HSPBAP1: variants seen among roughly 807,000 people sequenced by gnomAD.
HSPBAP1 encodes HSPB1-associated protein 1.
A neutral mutation model predicts 45.2 loss-of-function variants in HSPBAP1; 27 were observed. That is an observed-to-expected ratio of 0.60 (90% CI 0.44 to 0.82). The LOEUF (loss-of-function observed/expected upper bound fraction) is 0.82. HSPBAP1 is among the 40% of genes least tolerant of loss of function. The pLI, the probability that HSPBAP1 is intolerant of heterozygous loss-of-function variation, is 0.00. For synonymous variants in HSPBAP1, 204 were observed against 202.7 expected, an observed-to-expected ratio of 1.01 and a Z score of -0.06; for missense variants, 510 against 590.9, an observed-to-expected ratio of 0.86 and a Z score of 1.42.
At chr3:122,781,095 C>T (rs1190901442) in intron 1 of HSPBAP1, among the ~76,000 whole-genome samples, 2 of 149,512 alleles carry the variant, frequency 1.3e-5, no homozygotes, top group African/African-American at 4.9e-5. Context: ...AGAGGGGCTC[C>T]TCACATCCCA....
At chr3:122,769,126 C>T (rs1560142862) in intron 2 of HSPBAP1, among the ~76,000 whole-genome samples, 1 of 148,624 alleles carries the variant, frequency 6.7e-6, no homozygotes, top group Non-Finnish European at 1.5e-5. Context: ...ACCCCATCTC[C>T]AAAAAAAAAT....
chr3:122,767,618 C>CT (rs912789493), intron 3 of HSPBAP1, among the ~76,000 whole-genome samples: 2 of 152,012 alleles, frequency 1.3e-5, no homozygotes, highest in Non-Finnish European at 2.9e-5. Flanking sequence ...CACATTTTTC[C>CT]TTTTTTATAA....
chr3:122,752,631 A>G lies in HSPBAP1; in HGVS notation c.785T>C (p.Ile262Thr), dbSNP rs771063987. 4.4e-6 allele frequency: 7 copies of G among 1,608,268 alleles called. No homozygotes were observed. The highest frequency in any genetic ancestry group is 2.2e-5 in the South Asian group (2 of 89,216). Residue 262 changes from isoleucine to threonine, a missense_variant, in exon 6 of 8, where the codon ATT becomes ACT. Physicochemically the swap from Ile to Thr is moderately conservative, Grantham distance 89 (BLOSUM62 -1). Transcript: ENST00000306103. ...PRHWWHYVESIDPVTVSINSW... is the reference protein window; with the variant it reads ...PRHWWHYVESTDPVTVSINSW... The stretch of plus-strand genomic sequence containing the variant: ...GTTTATACTGACAGTGACAGGATCA[A>G]TGGATTCTACGTAATGCCACCAGTG...
intron 6 of HSPBAP1, among the ~76,000 whole-genome samples, chr3:122,749,107 T>C (rs910884206): frequency 4.6e-5 from 7 of 151,638 alleles, no homozygotes; most frequent in Admixed American, 4.6e-4. Context: ...AGACTGTTTA[T>C]ATACTTATTT....
chr3:122,755,482 CAA>C, intron 4 of HSPBAP1, 51 bp from the exon 5 acceptor site: 1 of 1,275,360 alleles, frequency 7.8e-7, no homozygotes, highest in South Asian at 1.7e-5. Flanking sequence ...GACCTTAAGA[CAA>C]AACATGGAAG....
chr3:122,785,522 T>G (rs1407949889), intron 1 of HSPBAP1, among the ~76,000 whole-genome samples: 1 of 152,168 alleles, frequency 6.6e-6, no homozygotes, highest in Non-Finnish European at 1.5e-5. Flanking sequence ...CCCTTACCCC[T>G]GATGTTTCCT....
At chr3:122,776,650 A>G (rs1197048607) in intron 2 of HSPBAP1, among the ~76,000 whole-genome samples, 2 of 152,242 alleles carry the variant, frequency 1.3e-5, no homozygotes, top group African/African-American at 4.8e-5. Context: ...GACTAAAATC[A>G]AGAAAGAAAA....
intron 3 of HSPBAP1, among the ~76,000 whole-genome samples, chr3:122,766,022 A>G (rs575972787): frequency 5.4e-4 from 82 of 152,206 alleles, no homozygotes; most frequent in Non-Finnish European, 9.4e-4. Flanking sequence ...TTTTCTTCAT[A>G]TACTTTAAAC....
chr3:122,764,652 T>C (rs903702677), intron 3 of HSPBAP1, among the ~76,000 whole-genome samples: 6 of 152,228 alleles, frequency 3.9e-5, no homozygotes, highest in Non-Finnish European at 8.8e-5. Context: ...TTATACATCA[T>C]ATCATTGACT....
Position 122,740,979 on chromosome 3 carries a change from T to G in HSPBAP1, c.936+24A>C, listed in dbSNP as rs757002231. The G allele has an allele frequency of 1.6e-5, 26 of 1,608,182 alleles. No homozygotes were observed. The East Asian group carries it at 5.6e-4, about 34-fold the overall frequency. Reference sequence around the variant, plus strand: ...GTTTACCACAGGAAACTAACTGCCATGATGAAGACCAGAAGCCGCCTACCT... The same window carrying G: ...GTTTACCACAGGAAACTAACTGCCAGGATGAAGACCAGAAGCCGCCTACCT... On this transcript the variant is annotated intron_variant, in intron 7 of 7. Transcript: ENST00000306103.
chr3:122,755,836 G>A (rs1934334129), intron 4 of HSPBAP1, among the ~76,000 whole-genome samples: 1 of 152,110 alleles, frequency 6.6e-6, no homozygotes, highest in South Asian at 2.1e-4. Context: ...CTTATTCAGA[G>A]CAAACACTCA....
At chr3:122,790,705 G>C (rs1480754607) in intron 1 of HSPBAP1, among the ~76,000 whole-genome samples, 1 of 152,142 alleles carries the variant, frequency 6.6e-6, no homozygotes, top group Non-Finnish European at 1.5e-5. Context: ...TTTTCAGCTG[G>C]GCACAGTGGC....
At chr3:122,769,017 TGTG>T (rs994262342) in intron 2 of HSPBAP1, 135 bp from the exon 3 acceptor site, 28 of 638,580 alleles carry the variant, frequency 4.4e-5, no homozygotes, top group Non-Finnish European at 6.9e-5. Flanking sequence ...TTGAGCCAGG[TGTG>T]GTGGTGCATG....
chr3:122,783,832 T>TC (rs1935568677), intron 1 of HSPBAP1, among the ~76,000 whole-genome samples: 1 of 112,376 alleles, frequency 8.9e-6, no homozygotes, highest in South Asian at 3.1e-4. Flanking sequence ...AGGGCAACTT[T>TC]CTTTTTTTTT....
rs544077886 is a variant in HSPBAP1 at position 122,792,865 on chromosome 3, G to T, written c.64+752C>A. On this transcript the variant is annotated intron_variant, in intron 1 of 7. Transcript: ENST00000306103. Reference sequence around the variant, plus strand: ...CAGCCTGGTGACAGAGCGAGACTCCGTCTCAAAAAAAGAAAAAAAAAAAAA... The same window carrying T: ...CAGCCTGGTGACAGAGCGAGACTCCTTCTCAAAAAAAGAAAAAAAAAAAAA... Among the ~76,000 whole-genome samples the T allele has an allele frequency of 2.9e-5, 3 of 103,284 alleles. No homozygotes were observed. In the East Asian group the frequency reaches 9.5e-4, roughly 33 times the overall value. 67.8% of individuals were successfully genotyped at this position (103,284 alleles called of 152,430 possible).
chr3:122,792,527 C>T (rs898743993), intron 1 of HSPBAP1, among the ~76,000 whole-genome samples: 2 of 151,976 alleles, frequency 1.3e-5, no homozygotes, highest in Non-Finnish European at 2.9e-5. Flanking sequence ...GGGCATCTCC[C>T]CCTTCAGCAA....
chr3:122,779,422 A>G (rs899304455), intron 1 of HSPBAP1, among the ~76,000 whole-genome samples: 2 of 151,358 alleles, frequency 1.3e-5, no homozygotes, highest in African/African-American at 4.9e-5. Flanking sequence ...ATTTGACTCC[A>G]TTTCTCTCAA....
At chr3:122,772,937 C>A (rs1935052368) in intron 2 of HSPBAP1, among the ~76,000 whole-genome samples, 1 of 152,052 alleles carries the variant, frequency 6.6e-6, no homozygotes, top group African/African-American at 2.4e-5. Context: ...GAACTTTGAA[C>A]TGCTGGGCTT....
intron 4 of HSPBAP1, among the ~76,000 whole-genome samples, chr3:122,756,249 T>C (rs1934351955): frequency 6.6e-6 from 1 of 152,184 alleles, no homozygotes; most frequent in Non-Finnish European, 1.5e-5. Context: ...CTTGCAGTTG[T>C]TAGAATGGGG....
Sources: gnomAD v4.1 joint callset for allele counts (sites outside exome capture counted in the v4.1 genomes callset) on GRCh38, gnomAD v4.1.1 for gene constraint, MANE v1.5 for transcripts, NCBI Gene and HGNC (gene_info 2026-07-23, HGNC 2026-07-21) for gene names.